Variants in CMTM8 observed in about 807,000 individuals in gnomAD.
CMTM8 encodes CKLF-like MARVEL transmembrane domain-containing protein 8.
Under a neutral mutation model 18.6 loss-of-function variants are expected in CMTM8, and 12 were observed. The ratio of observed to expected loss-of-function variants is 0.65; its 90% CI spans 0.41 to 1.05. The LOEUF is 1.05. CMTM8 is among the 50% of genes least tolerant of loss of function. The probability of loss-of-function intolerance (pLI) is 0.00; values close to 1 mark genes in which losing one functional copy is unlikely to be tolerated. For missense variants in CMTM8, 217 were observed against 227.2 expected (o/e 0.95, Z 0.29); for synonymous variants, 87 against 90.6 (o/e 0.96, Z 0.23).
intron 1 of CMTM8, among the ~76,000 whole-genome samples, chr3:32,324,388 A>G (rs1044171644): frequency 2.0e-5 from 3 of 152,186 alleles, no homozygotes; most frequent in African/African-American, 7.2e-5. Context: ...TTTCCTTCCA[A>G]AAGAGAATGC....
At chr3:32,276,424 T>C (rs1468060489) in intron 1 of CMTM8, among the ~76,000 whole-genome samples, 2 of 152,194 alleles carry the variant, frequency 1.3e-5, no homozygotes, top group Admixed American at 1.3e-4. Context: ...TCCTTGATGT[T>C]TATTTTGACT....
chr3:32,239,007 T>C lies in CMTM8; in HGVS notation c.35T>C (p.Val12Ala). 1 of 1,559,320 alleles carries C rather than the reference T, an allele frequency of 6.4e-7. No individual in the cohort carries two copies. The highest frequency in any genetic ancestry group is 8.7e-7 in the Non-Finnish European group (1 of 1,152,422). Residue 12 changes from valine (V) to alanine (A), a missense_variant, in exon 1 of 4, where the codon GTC becomes GCC. Val to Ala is a moderately conservative substitution (Grantham distance 64, BLOSUM62 0). Transcript: ENST00000307526. ...EEPQRARSHT[V>A]TTTASSFAEN... ...CCGCAGCGCGCCCGCTCGCACACAG[T>C]CACCACCACCGCCAGCTCCTTCGCA...
chr3:32,263,547 C>A (rs955723369), intron 1 of CMTM8, among the ~76,000 whole-genome samples: 2 of 152,200 alleles, frequency 1.3e-5, no homozygotes, highest in African/African-American at 2.4e-5. Context: ...GAGCGCCTCT[C>A]CTCCTCCAAA....
At chr3:32,325,310 CA>C (rs1559380111) in intron 1 of CMTM8, among the ~76,000 whole-genome samples, 2 of 152,142 alleles carry the variant, frequency 1.3e-5, no homozygotes, top group African/African-American at 4.8e-5. Context: ...AACTCAGTTA[CA>C]GGGGGGAAAG....
At chr3:32,256,064 G>A (rs552410881) in intron 1 of CMTM8, among the ~76,000 whole-genome samples, 14 of 151,952 alleles carry the variant, frequency 9.2e-5, no homozygotes, top group Non-Finnish European at 1.9e-4. Context: ...TGAGGATATT[G>A]TTCCATTGTC....
intron 1 of CMTM8, among the ~76,000 whole-genome samples, chr3:32,309,123 C>T (rs929279432): frequency 1.3e-5 from 2 of 151,996 alleles, no homozygotes; most frequent in African/African-American, 2.4e-5. Context: ...TACCAAGTTG[C>T]TCATCTCCAG....
chr3:32,299,874 T>C (rs1575166284), intron 1 of CMTM8, among the ~76,000 whole-genome samples: 1 of 152,200 alleles, frequency 6.6e-6, no homozygotes, highest in South Asian at 2.1e-4. Context: ...GGCCAAAATA[T>C]GTACTGTCTG....
chr3:32,357,595 G>C (rs769401225), intron 2 of CMTM8, 49 bp downstream of exon 2: 33 of 1,581,216 alleles, frequency 2.1e-5, no homozygotes, highest in Non-Finnish European at 2.7e-5. Context: ...CTCGGTAGAT[G>C]GCATTAGTCC....
intron 1 of CMTM8, among the ~76,000 whole-genome samples, chr3:32,288,712 G>A (rs751023206): frequency 5.3e-5 from 8 of 152,170 alleles, no homozygotes; most frequent in Non-Finnish European, 1.2e-4. Context: ...ATGTTAGCCA[G>A]GATGTTCTCG....
intron 1 of CMTM8, among the ~76,000 whole-genome samples, chr3:32,313,894 G>C (rs1209490216): frequency 6.6e-6 from 1 of 152,140 alleles, no homozygotes; most frequent in East Asian, 1.9e-4. Flanking sequence ...GGAATTTACT[G>C]GGTGAAAATT....
intron 1 of CMTM8, among the ~76,000 whole-genome samples, chr3:32,253,737 T>C (rs1273174023): frequency 1.3e-5 from 2 of 152,200 alleles, no homozygotes; most frequent in Non-Finnish European, 2.9e-5. Context: ...GGTCTTGCTA[T>C]GTTGCCCAAG....
intron 1 of CMTM8, among the ~76,000 whole-genome samples, chr3:32,254,286 A>G (rs1040533536): frequency 7.2e-5 from 11 of 152,170 alleles, no homozygotes; most frequent in African/African-American, 2.4e-4. Context: ...TACATTTACA[A>G]TGTTGTATAA....
intron 2 of CMTM8, among the ~76,000 whole-genome samples, chr3:32,360,437 A>G (rs1173585614): frequency 3.9e-5 from 6 of 152,244 alleles, no homozygotes; most frequent in Non-Finnish European, 8.8e-5. Flanking sequence ...ACAACTAAAT[A>G]CACCTTTGTA....
chr3:32,249,074 G>A (rs976477851), intron 1 of CMTM8, among the ~76,000 whole-genome samples: 9 of 105,358 alleles, frequency 8.5e-5, no homozygotes, highest in Non-Finnish European at 1.5e-4. Context: ...GGAGTCTCAC[G>A]CTTTCGCCCA....
At chr3:32,354,557 T>C (rs1336221575) in intron 1 of CMTM8, among the ~76,000 whole-genome samples, 1 of 152,136 alleles carries the variant, frequency 6.6e-6, no homozygotes, top group African/African-American at 2.4e-5. Flanking sequence ...TGAAAAACGT[T>C]TTTGCATTCA....
chr3:32,359,547 G>T (rs944226148), intron 2 of CMTM8, among the ~76,000 whole-genome samples: 1 of 152,098 alleles, frequency 6.6e-6, no homozygotes, highest in Non-Finnish European at 1.5e-5. Context: ...CTGAGATCAC[G>T]CCACTGCACT....
chr3:32,367,760 T>C, intron 2 of CMTM8, 112 bp from the exon 3 acceptor site: 1 of 661,656 alleles, frequency 1.5e-6, no homozygotes, highest in Non-Finnish European at 2.7e-6. Flanking sequence ...CTCCCACAGG[T>C]GTCCACTTGG....
chr3:32,333,512 C>T (rs1696321161), intron 1 of CMTM8, among the ~76,000 whole-genome samples: 1 of 151,592 alleles, frequency 6.6e-6, no homozygotes, highest in Non-Finnish European at 1.5e-5. Context: ...AAGCACTGGG[C>T]AATGTTTCAT....
chr3:32,308,431 GC>G (rs1470220082), intron 1 of CMTM8, among the ~76,000 whole-genome samples: 3 of 152,244 alleles, frequency 2.0e-5, no homozygotes, highest in Non-Finnish European at 2.9e-5. Flanking sequence ...GAGCTCTTGA[GC>G]ACACAGCTAA....
Sources: gnomAD v4.1 joint callset for allele counts (sites outside exome capture counted in the v4.1 genomes callset) on GRCh38, gnomAD v4.1.1 for gene constraint, MANE v1.5 for transcripts, NCBI Gene and HGNC (gene_info 2026-07-23, HGNC 2026-07-21) for gene names.